The following ROBO1 variants were observed in gnomAD, a reference collection of about 807,000 sequenced individuals.
ROBO1 encodes the protein roundabout guidance receptor 1.
Under a neutral mutation model 195.9 loss-of-function variants are expected in ROBO1, and 149 were observed. The ratio of observed to expected loss-of-function variants is 0.76; its 90% confidence interval spans 0.67 to 0.87. The LOEUF (loss-of-function observed/expected upper bound fraction) is 0.87. ROBO1 is among the 40% of genes least tolerant of loss of function. ROBO1 has a pLI of 0.00. For missense variants in ROBO1, 1,933 were observed against 2,068.3 expected (o/e 0.93, Z 1.27); for synonymous variants, 816 against 733.2 (o/e 1.11, Z -1.82).
rs528779241 is a variant in ROBO1 at position 79,705,612 on chromosome 3, C to T, written c.-51+62140G>A. Among the ~76,000 whole-genome samples, 81 of 152,172 alleles carry T rather than the reference C, an allele frequency of 5.3e-4. No individual in the cohort carries two copies. In the South Asian group the frequency reaches 0.016, roughly 30 times the overall value. The stretch of plus-strand genomic sequence containing the variant: ...TATTGTAAGTTTTGAATTTGGATAG[C>T]GTCAATCCCCCAACTATTTTCTTTC... On this transcript the variant is annotated intron_variant, in intron 1 of 30. Coordinates refer to ENST00000464233, the MANE Select transcript of ROBO1 (RefSeq NM_002941.4).
At chr3:79,105,243 A>G (rs1454943723) in intron 3 of ROBO1, among the ~76,000 whole-genome samples, 1 of 151,804 alleles carries the variant, frequency 6.6e-6, no homozygotes, top group Non-Finnish European at 1.5e-5. Flanking sequence ...AAAATTGACA[A>G]AGAATTCCTG....
intron 4 of ROBO1, among the ~76,000 whole-genome samples, chr3:78,875,272 A>G (rs1031321703): frequency 3.3e-5 from 5 of 152,066 alleles, no homozygotes; most frequent in Admixed American, 6.6e-5. Context: ...ATAATCACTA[A>G]CATAAATCAT....
At chr3:79,594,139 A>G (rs1312370584) in intron 1 of ROBO1, among the ~76,000 whole-genome samples, 2 of 152,000 alleles carry the variant, frequency 1.3e-5, no homozygotes. Flanking sequence ...AAAGTCCCCT[A>G]TTTTAGGATA....
In ROBO1 at chr3:79,541,833, A is replaced by G. The variant is rs867065839; in HGVS notation, c.88+47991T>C. ...TATATGTGTGTGTGTGTGTGTGTATATATATATATATGGAGAGAGAGAGAG... is the reference window on the plus strand; with the variant it reads ...TATATGTGTGTGTGTGTGTGTGTATGTATATATATATGGAGAGAGAGAGAG... On this transcript the variant is annotated intron_variant, in intron 2 of 30. Coordinates refer to ENST00000464233, the MANE Select transcript of ROBO1 (RefSeq NM_002941.4). Among the ~76,000 whole-genome samples, 1,070 of 146,030 alleles carry G rather than the reference A, an allele frequency of 7.3e-3. 5 individuals carry two copies. Among genetic ancestry groups the G allele is most frequent in the African/African-American group, 0.026 (990 of 38,098 alleles).
chr3:79,736,225 G>A (rs1703381137), intron 1 of ROBO1, among the ~76,000 whole-genome samples: 1 of 152,136 alleles, frequency 6.6e-6, no homozygotes, highest in Admixed American at 6.5e-5. Context: ...AGGTGTAACG[G>A]AGCTTGATGC....
At chr3:79,331,497 A>C (rs547668139) in intron 2 of ROBO1, among the ~76,000 whole-genome samples, 1 of 152,308 alleles carries the variant, frequency 6.6e-6, no homozygotes, top group African/African-American at 2.4e-5. Flanking sequence ...GTACTTTTTT[A>C]AAAAATAAGT....
chr3:79,120,667 G>A (rs547615019), intron 3 of ROBO1, among the ~76,000 whole-genome samples: 3 of 151,934 alleles, frequency 2.0e-5, no homozygotes, highest in African/African-American at 7.2e-5. Flanking sequence ...AATGAGGGAG[G>A]TGTCAGAGAA....
At chr3:78,891,966 T>C (rs1183164841) in intron 4 of ROBO1, among the ~76,000 whole-genome samples, 1 of 152,212 alleles carries the variant, frequency 6.6e-6, no homozygotes, top group African/African-American at 2.4e-5. Flanking sequence ...TGAGGAAATT[T>C]TGGAATGATG....
At chr3:79,651,402 A>G (rs1946002868) in intron 1 of ROBO1, among the ~76,000 whole-genome samples, 1 of 152,296 alleles carries the variant, frequency 6.6e-6, no homozygotes, top group South Asian at 2.1e-4. Flanking sequence ...AAATATTAAA[A>G]GAAAGGAATA....
chr3:79,709,977 G>A (rs772034845), intron 1 of ROBO1, among the ~76,000 whole-genome samples: 8 of 152,132 alleles, frequency 5.3e-5, no homozygotes, highest in Non-Finnish European at 1.2e-4. Context: ...CCCTGGAATT[G>A]TGAGAAATAA....
chr3:78,723,094 C>A (rs182463819), intron 5 of ROBO1, among the ~76,000 whole-genome samples: 1 of 152,160 alleles, frequency 6.6e-6, no homozygotes, highest in Middle Eastern at 3.4e-3. Flanking sequence ...TAAGGATGAA[C>A]CTCATATATG....
chr3:78,658,871 G>C (rs1292598685), intron 17 of ROBO1, among the ~76,000 whole-genome samples: 2 of 151,980 alleles, frequency 1.3e-5, no homozygotes, highest in Non-Finnish European at 2.9e-5. Context: ...CTGAACCAAA[G>C]CCACAAACTG....
chr3:78,676,988 C>G (rs1384709111), intron 10 of ROBO1, among the ~76,000 whole-genome samples: 1 of 151,950 alleles, frequency 6.6e-6, no homozygotes, highest in African/African-American at 2.4e-5. Context: ...CGGCAGAAAC[C>G]CTACAAGCCA....
At chr3:79,274,505 C>T (rs1368336841) in intron 2 of ROBO1, among the ~76,000 whole-genome samples, 2 of 151,774 alleles carry the variant, frequency 1.3e-5, no homozygotes, top group Non-Finnish European at 2.9e-5. Flanking sequence ...AAAAGCTGTA[C>T]TTAGAGGACA....
At chr3:79,751,266 T>A (rs1196314068) in intron 1 of ROBO1, among the ~76,000 whole-genome samples, 1 of 152,190 alleles carries the variant, frequency 6.6e-6, no homozygotes, top group Non-Finnish European at 1.5e-5. Context: ...TACATACTGT[T>A]TATGATTTAT....
intron 2 of ROBO1, among the ~76,000 whole-genome samples, chr3:79,295,447 TG>T (rs1352096575): frequency 1.3e-5 from 2 of 152,036 alleles, no homozygotes; most frequent in Middle Eastern, 3.4e-3. Context: ...CAGGGCCTGT[TG>T]GGGGTGGGAG....
intron 4 of ROBO1, among the ~76,000 whole-genome samples, chr3:78,812,186 A>G (rs72894449): frequency 0.03 from 4,639 of 152,156 alleles, 191 homozygotes; most frequent in African/African-American, 0.095. Flanking sequence ...TCCTCCTACC[A>G]AATCATGTTT....
At chr3:79,331,367 A>G (rs965706440) in intron 2 of ROBO1, among the ~76,000 whole-genome samples, 2 of 152,244 alleles carry the variant, frequency 1.3e-5, no homozygotes, top group Non-Finnish European at 2.9e-5. Flanking sequence ...GATTTATTTT[A>G]CTCATTCAAT....
chr3:79,101,689 T>C (rs921819892), intron 3 of ROBO1, among the ~76,000 whole-genome samples: 9 of 152,050 alleles, frequency 5.9e-5, no homozygotes, highest in Middle Eastern at 3.4e-3. Context: ...ATTTTGAAGT[T>C]GGATAGCTAT....
Sources: allele counts gnomAD v4.1 joint callset (sites outside exome capture counted in the v4.1 genomes callset), GRCh38; gene constraint gnomAD v4.1.1; transcripts MANE v1.5; gene names NCBI Gene and HGNC (gene_info 2026-07-23, HGNC 2026-07-21).